MYOCD: variants seen among roughly 807,000 people sequenced by gnomAD.
MYOCD encodes myocardin.
A neutral mutation model predicts 96.1 loss-of-function variants in MYOCD; 32 were observed. The observed-to-expected ratio is 0.33, with a 90% CI of 0.25 to 0.45. MYOCD has a LOEUF of 0.45. Ranked by LOEUF, MYOCD falls within the 20% of genes least tolerant of loss-of-function variation. The pLI is 1.00. For synonymous variants in MYOCD, 469 were observed against 469.0 expected (o/e 1.00, Z 0.00); for missense variants, 1,133 against 1,200.6 (o/e 0.94, Z 0.83).
At chr17:12,674,283 C>T (rs1351839170) in intron 1 of MYOCD, among the ~76,000 whole-genome samples, 1 of 152,138 alleles carries the variant, frequency 6.6e-6, no homozygotes, top group Non-Finnish European at 1.5e-5. Flanking sequence ...ACATACCTGA[C>T]CCAGTAGATT....
At chr17:12,667,628 T>TA (rs1909447793) in intron 1 of MYOCD, among the ~76,000 whole-genome samples, 2 of 152,196 alleles carry the variant, frequency 1.3e-5, no homozygotes, top group African/African-American at 2.4e-5. Context: ...CTTGCCAGTT[T>TA]AAATGTGGAG....
At chr17:12,748,468 T>C (rs2032736879) in intron 9 of MYOCD, among the ~76,000 whole-genome samples, 1 of 152,138 alleles carries the variant, frequency 6.6e-6, no homozygotes, top group African/African-American at 2.4e-5. Context: ...AGTTTGTTGA[T>C]GAGTATATGA....
At chr17:12,701,545 CT>C (rs2031075413) in intron 1 of MYOCD, among the ~76,000 whole-genome samples, 1 of 152,052 alleles carries the variant, frequency 6.6e-6, no homozygotes, top group Admixed American at 6.6e-5. Context: ...ATAAAGATTT[CT>C]GCTTTAATCT....
chr17:12,715,445 C>T, intron 2 of MYOCD, 74 bp from the exon 3 acceptor site: 3 of 1,327,006 alleles, frequency 2.3e-6, no homozygotes, highest in South Asian at 2.5e-5. Flanking sequence ...TCAGCAAGCA[C>T]ACCAGCAAAC....
At chr17:12,708,147 T>C (rs756767498) in intron 2 of MYOCD, among the ~76,000 whole-genome samples, 1 of 152,138 alleles carries the variant, frequency 6.6e-6, no homozygotes, top group Non-Finnish European at 1.5e-5. Flanking sequence ...TTGTCTTTAA[T>C]GTTCATGAAA....
chr17:12,713,919 C>T (rs1302519525), intron 2 of MYOCD, among the ~76,000 whole-genome samples: 2 of 152,090 alleles, frequency 1.3e-5, no homozygotes, highest in African/African-American at 2.4e-5. Flanking sequence ...TGCAGAGAAG[C>T]TCATTTTAAG....
At chr17:12,750,365 T>C (rs1053794489) in intron 9 of MYOCD, among the ~76,000 whole-genome samples, 2 of 152,118 alleles carry the variant, frequency 1.3e-5, no homozygotes, top group Non-Finnish European at 2.9e-5. Context: ...ATACTTTGAA[T>C]AGCAATGTAA....
At chr17:12,756,691 ATC>A in intron 11 of MYOCD, 134 bp downstream of exon 11, 36 of 423,762 alleles carry the variant, frequency 8.5e-5, no homozygotes, top group Non-Finnish European at 1.0e-4. Flanking sequence ...GCGAGACTGC[ATC>A]TCAAAAAAAA....
intron 5 of MYOCD, among the ~76,000 whole-genome samples, chr17:12,726,047 A>G (rs533332915): frequency 1.3e-5 from 2 of 152,154 alleles, no homozygotes; most frequent in Admixed American, 1.3e-4. Context: ...TTTATTTGGG[A>G]TTTTGCATCT....
intron 1 of MYOCD, among the ~76,000 whole-genome samples, chr17:12,686,659 A>T (rs188918677): frequency 1.3e-5 from 2 of 152,344 alleles, no homozygotes; most frequent in African/African-American, 4.8e-5. Context: ...CATGGGTCTG[A>T]TGAAATGATA....
intron 1 of MYOCD, among the ~76,000 whole-genome samples, chr17:12,685,335 T>G (rs553899840): frequency 4.0e-5 from 6 of 150,452 alleles, no homozygotes; most frequent in Non-Finnish European, 7.4e-5. Flanking sequence ...CTGGGCACAG[T>G]GGCTCACGCC....
intron 7 of MYOCD, 39 bp downstream of exon 7, chr17:12,739,367 C>T (rs967011831): frequency 2.6e-5 from 39 of 1,500,478 alleles, no homozygotes; most frequent in African/African-American, 2.8e-5. Context: ...CCTGAGCGCT[C>T]GGCTCACAGA....
Position 12,703,689 on chromosome 17 carries a change from G to A in MYOCD, c.56-1439G>A, listed in dbSNP as rs1051956928. ...GTTAGACTTTTAGATATTGTCACAC[G>A]AATCCCTGAGGCTAATGTTAGACTT... On this transcript the variant is annotated intron_variant, in intron 1 of 13. Transcript: ENST00000425538. Among the ~76,000 whole-genome samples the A allele has an allele frequency of 2.0e-5, 3 of 151,932 alleles. 1 individual carries two copies. Among genetic ancestry groups the A allele is most frequent in the Non-Finnish European group, 4.4e-5 (3 of 67,966 alleles).
chr17:12,692,978 CAG>C (rs1434088320), intron 1 of MYOCD, among the ~76,000 whole-genome samples: 11 of 152,278 alleles, frequency 7.2e-5, no homozygotes, highest in African/African-American at 2.6e-4. Flanking sequence ...CCGTGTTGTG[CAG>C]AGATAGTATA....
chr17:12,763,832 A>G lies in MYOCD; in HGVS notation c.*188A>G. 1 of 508,096 alleles carries G rather than the reference A, an allele frequency of 2.0e-6. No individual in the cohort carries two copies. Among genetic ancestry groups the G allele is most frequent in the Admixed American group, 3.7e-5 (1 of 26,716 alleles). The allele number at this position is 508,096 out of a possible 1,614,324, so 31.5% of individuals were successfully genotyped here. A position where few individuals can be genotyped will look rare whatever the true frequency, so the allele number is the denominator to read the frequency against. On this transcript the variant is annotated 3_prime_UTR_variant, in exon 14 of 14. Coordinates refer to ENST00000425538, the MANE Select transcript of MYOCD (RefSeq NM_001146312.3). ...TACATATACTGTAATATTTACCAAC[A>G]GTCAGTAACTGTTAATGATTTCAAC...
chr17:12,754,550 G>A (rs1269268889), intron 10 of MYOCD, among the ~76,000 whole-genome samples: 2 of 152,354 alleles, frequency 1.3e-5, no homozygotes, highest in Admixed American at 1.3e-4. Context: ...GGAACTTGTA[G>A]GGACTGTTCA....
At chr17:12,734,504 C>CTTTTTTTT (rs3050319) in intron 5 of MYOCD, among the ~76,000 whole-genome samples, 27 of 65,476 alleles carry the variant, frequency 4.1e-4, no homozygotes, top group East Asian at 6.0e-4. Flanking sequence ...ACACATGATC[C>CTTTTTTTT]TTTTTTTTTT....
At chr17:12,702,003 G>C (rs528489042) in intron 1 of MYOCD, among the ~76,000 whole-genome samples, 1 of 152,184 alleles carries the variant, frequency 6.6e-6, no homozygotes, top group South Asian at 2.1e-4. Flanking sequence ...CACTTGAAAA[G>C]AATGTTTATT....
At position 12,714,359 on chromosome 17, in the gene MYOCD, A is replaced by ACACACACACACC. The variant is rs1325168653; in HGVS notation, c.122-1157_122-1156insACACACACCCAC. Among the ~76,000 whole-genome samples, 19 of 149,926 alleles carry ACACACACACACC rather than the reference A, an allele frequency of 1.3e-4. No individual in the cohort carries two copies. In the East Asian group the frequency reaches 3.7e-3, roughly 29 times the overall value. On this transcript the variant is annotated intron_variant, in intron 2 of 13. Coordinates refer to ENST00000425538, the MANE Select transcript of MYOCD (RefSeq NM_001146312.3). ...CACACACACACACACACACACACAC[A>ACACACACACACC]CACCCCGATCTGGTCAGAAACCTAA...
Sources: gnomAD v4.1 joint callset for allele counts (sites outside exome capture counted in the v4.1 genomes callset) on GRCh38, gnomAD v4.1.1 for gene constraint, MANE v1.5 for transcripts, NCBI Gene and HGNC (gene_info 2026-07-23, HGNC 2026-07-21) for gene names.